SEMA3E: variants seen among roughly 807,000 people sequenced by gnomAD.
The protein encoded by SEMA3E is semaphorin 3E, also known as semaphorin-3E.
Under a neutral mutation model 93.6 loss-of-function variants are expected in SEMA3E, and 49 were observed. That is an observed-to-expected ratio of 0.52 (90% CI 0.42 to 0.66). The LOEUF (loss-of-function observed/expected upper bound fraction) is 0.66, where lower values mean the gene tolerates loss of function less well. Ranked by LOEUF, SEMA3E falls within the 30% of genes least tolerant of loss-of-function variation. SEMA3E has a pLI of 0.00. For missense variants in SEMA3E, 906 were observed against 964.8 expected (o/e 0.94, Z 0.81); for synonymous variants, 363 against 330.7 (o/e 1.10, Z -1.06).
At chr7:83,392,753 A>C in intron 13 of SEMA3E, 32 bp from the exon 14 acceptor site, 1 of 1,607,490 alleles carries the variant, frequency 6.2e-7, no homozygotes, top group Non-Finnish European at 8.5e-7. Flanking sequence ...CACTAGCAGA[A>C]ATGGACAAAA....
At chr7:83,532,702 AAAG>A (rs60003757) in intron 1 of SEMA3E, among the ~76,000 whole-genome samples, 79,859 of 151,626 alleles carry the variant, frequency 0.53, 23,369 homozygotes, top group Middle Eastern at 0.69. Flanking sequence ...AACCAAAAAA[AAAG>A]GGCAGATAAT....
intron 1 of SEMA3E, among the ~76,000 whole-genome samples, chr7:83,541,166 T>A (rs1791522935): frequency 6.6e-6 from 1 of 152,164 alleles, no homozygotes; most frequent in South Asian, 2.1e-4. Context: ...GAAAAAGTAC[T>A]AAGAATATAG....
intron 1 of SEMA3E, among the ~76,000 whole-genome samples, chr7:83,525,535 A>AT (rs56405502): frequency 0.52 from 78,572 of 151,510 alleles, 23,079 homozygotes; most frequent in Middle Eastern, 0.69. Context: ...TTTCTCATGT[A>AT]TTTTTTTCAT....
chr7:83,565,273 C>A (rs952464448), intron 1 of SEMA3E, among the ~76,000 whole-genome samples: 5 of 152,208 alleles, frequency 3.3e-5, no homozygotes, highest in African/African-American at 1.2e-4. Flanking sequence ...AAGCCATCAT[C>A]CTAGCAAACT....
rs183418624 is a variant in SEMA3E at position 83,528,209 on chromosome 7, T to C, written c.116-37935A>G. The stretch of plus-strand genomic sequence containing the variant: ...AATATACATTATAAAAACTAATCTT[T>C]AGCAAATGAGCTATGAAGCATTTCT... On this transcript the variant is annotated intron_variant, in intron 1 of 16. Transcript: ENST00000643230. Among the ~76,000 whole-genome samples the C allele has an allele frequency of 5.2e-3, 786 of 152,210 alleles. 11 individuals are homozygous for C. The highest frequency in any genetic ancestry group is 0.018 in the African/African-American group (736 of 41,564).
At chr7:83,381,857 C>T (rs1787784786) in intron 16 of SEMA3E, among the ~76,000 whole-genome samples, 1 of 151,944 alleles carries the variant, frequency 6.6e-6, no homozygotes, top group South Asian at 2.1e-4. Context: ...AATGGAAATA[C>T]ATTGATGTCT....
At chr7:83,485,961 T>G (rs1330495779) in intron 2 of SEMA3E, among the ~76,000 whole-genome samples, 1 of 152,162 alleles carries the variant, frequency 6.6e-6, no homozygotes, top group Non-Finnish European at 1.5e-5. Context: ...AGTGAAAAAA[T>G]AAAAGGCTTT....
At chr7:83,552,034 A>G (rs1178317521) in intron 1 of SEMA3E, among the ~76,000 whole-genome samples, 3 of 152,182 alleles carry the variant, frequency 2.0e-5, no homozygotes, top group Non-Finnish European at 4.4e-5. Context: ...AAAAGTCTGC[A>G]AATACCATGC....
At chr7:83,557,765 A>C (rs1212418096) in intron 1 of SEMA3E, among the ~76,000 whole-genome samples, 2 of 152,148 alleles carry the variant, frequency 1.3e-5, no homozygotes, top group African/African-American at 4.8e-5. Flanking sequence ...TCTCGACTTC[A>C]GCCTAACAGC....
At chr7:83,642,951 C>A (rs1461695817) in intron 1 of SEMA3E, among the ~76,000 whole-genome samples, 1 of 152,030 alleles carries the variant, frequency 6.6e-6, no homozygotes, top group African/African-American at 2.4e-5. Flanking sequence ...AGACTAAATT[C>A]CTCTATTAAA....
intron 1 of SEMA3E, among the ~76,000 whole-genome samples, chr7:83,639,136 A>AAAAAAAAAAAAC (rs1562866057): frequency 3.0e-5 from 4 of 132,066 alleles, no homozygotes; most frequent in African/African-American, 1.1e-4. Context: ...AAAAAAAAAA[A>AAAAAAAAAAAAC]AAAACAGAGA....
chr7:83,504,255 A>C (rs1790651872), intron 1 of SEMA3E, among the ~76,000 whole-genome samples: 1 of 152,206 alleles, frequency 6.6e-6, no homozygotes, highest in Non-Finnish European at 1.5e-5. Context: ...AGGCAGAATG[A>C]AGTGCAACTT....
chr7:83,522,174 A>G (rs1791063544), intron 1 of SEMA3E, among the ~76,000 whole-genome samples: 1 of 152,124 alleles, frequency 6.6e-6, no homozygotes, highest in Non-Finnish European at 1.5e-5. Flanking sequence ...TTAAGCAATA[A>G]TTTTATACAA....
At chr7:83,375,429 G>A (rs147903085) in intron 16 of SEMA3E, among the ~76,000 whole-genome samples, 1 of 152,164 alleles carries the variant, frequency 6.6e-6, no homozygotes, top group East Asian at 1.9e-4. Context: ...TCAGTGTAGG[G>A]TGAAGAGATA....
At chr7:83,584,331 ACT>A (rs771458300) in intron 1 of SEMA3E, among the ~76,000 whole-genome samples, 1 of 152,084 alleles carries the variant, frequency 6.6e-6, no homozygotes, top group Non-Finnish European at 1.5e-5. Flanking sequence ...AAAGTTGTGC[ACT>A]CTGTCTATTG....
At chr7:83,602,583 T>C (rs2115987345) in intron 1 of SEMA3E, among the ~76,000 whole-genome samples, 1 of 152,178 alleles carries the variant, frequency 6.6e-6, no homozygotes, top group Non-Finnish European at 1.5e-5. Flanking sequence ...GTTCAAGTGA[T>C]TCTCCTGCCT....
chr7:83,527,355 A>T (rs890345978), intron 1 of SEMA3E, among the ~76,000 whole-genome samples: 2 of 152,124 alleles, frequency 1.3e-5, no homozygotes, highest in Non-Finnish European at 2.9e-5. Flanking sequence ...TAATACAACC[A>T]CCAGTGATCT....
At position 83,512,061 on chromosome 7, in the gene SEMA3E, C is replaced by T. The variant is rs150549815; in HGVS notation, c.116-21787G>A. Among the ~76,000 whole-genome samples the T allele has an allele frequency of 4.6e-3, 698 of 151,746 alleles. 5 individuals are homozygous for T. Among genetic ancestry groups the T allele is most frequent in the African/African-American group, 0.016 (660 of 41,428 alleles). ...ATTCATTAGTTTTATTTTTTTTACC[C>T]CAAAGAAATAAAAAAATTATCATTT... On this transcript the variant is annotated intron_variant, in intron 1 of 16. Coordinates refer to ENST00000643230, the MANE Select transcript of SEMA3E (RefSeq NM_012431.3).
chr7:83,592,583 T>C (rs1349848398), intron 1 of SEMA3E, among the ~76,000 whole-genome samples: 1 of 152,178 alleles, frequency 6.6e-6, no homozygotes, highest in Non-Finnish European at 1.5e-5. Context: ...TGATTGAGTA[T>C]TGAGGGACAA....
Sources: allele counts gnomAD v4.1 joint callset (sites outside exome capture counted in the v4.1 genomes callset), GRCh38; gene constraint gnomAD v4.1.1; transcripts MANE v1.5; gene names NCBI Gene and HGNC (gene_info 2026-07-23, HGNC 2026-07-21).